The following SLC16A12 variants were observed in gnomAD, a reference collection of about 807,000 sequenced individuals.
SLC16A12 encodes the protein monocarboxylate transporter 12.
Under a neutral mutation model 42.4 loss-of-function variants are expected in SLC16A12, and 17 were observed. The ratio of observed to expected loss-of-function variants is 0.40; its 90% CI spans 0.27 to 0.60. The LOEUF (loss-of-function observed/expected upper bound fraction) is 0.60. Ranked by LOEUF, SLC16A12 falls within the 20% of genes least tolerant of loss-of-function variation. SLC16A12 has a pLI of 0.42. For missense variants in SLC16A12, 544 were observed against 623.0 expected (o/e 0.87, Z 1.35); for synonymous variants, 224 against 229.4 (o/e 0.98, Z 0.21).
intron 2 of SLC16A12, among the ~76,000 whole-genome samples, chr10:89,481,623 T>C (rs1409587483): frequency 6.6e-6 from 1 of 151,160 alleles, no homozygotes; most frequent in African/African-American, 2.4e-5. Flanking sequence ...TACTATCTAA[T>C]TGACACTGTT....
At position 89,432,662 on chromosome 10, in the gene SLC16A12, G is replaced by A. The variant is rs1276370395; in HGVS notation, c.*402C>T. 3.3e-5 allele frequency: 6 copies of A among 183,992 alleles called. No individual in the cohort carries two copies. In the South Asian group the frequency reaches 5.5e-4, roughly 17 times the overall value. 11.4% of individuals were successfully genotyped at this position (183,992 alleles called of 1,614,324 possible). A position where few individuals can be genotyped will look rare whatever the true frequency, so the allele number is the denominator to read the frequency against. ...CAGAACAAGGTAAGCAAAGCTACAC[G>A]TTAATGTTTCCATTTTCTTTCTGAG... On this transcript the variant is annotated 3_prime_UTR_variant, in exon 8 of 8. Transcript: ENST00000371790.
chr10:89,536,086 C>A (rs571271416), upstream of SLC16A12, among the ~76,000 whole-genome samples: 3 of 152,282 alleles, frequency 2.0e-5, no homozygotes, highest in African/African-American at 7.2e-5. Context: ...CTTTCTGTGT[C>A]CCCAGCCAAA....
At chr10:89,528,493 A>T (rs1843491070) in intron 2 of SLC16A12, among the ~76,000 whole-genome samples, 1 of 152,192 alleles carries the variant, frequency 6.6e-6, no homozygotes. Flanking sequence ...GGTTGTTTTG[A>T]CATCTTATAC....
At chr10:89,533,345 A>G (rs1249062681) in intron 2 of SLC16A12, among the ~76,000 whole-genome samples, 1 of 152,200 alleles carries the variant, frequency 6.6e-6, no homozygotes, top group Non-Finnish European at 1.5e-5. Flanking sequence ...ATAGGATCAA[A>G]GTTCTTTGTT....
chr10:89,522,590 C>T (rs886873042), intron 2 of SLC16A12, among the ~76,000 whole-genome samples: 9 of 152,164 alleles, frequency 5.9e-5, no homozygotes, highest in Non-Finnish European at 1.0e-4. Flanking sequence ...CTTGGTGTGA[C>T]TCAGCAAAAA....
chr10:89,515,610 T>A (rs1843238420), intron 2 of SLC16A12, among the ~76,000 whole-genome samples: 1 of 152,184 alleles, frequency 6.6e-6, no homozygotes, highest in South Asian at 2.1e-4. Context: ...AAAAGGCATA[T>A]GGTTTCCCAG....
intron 2 of SLC16A12, among the ~76,000 whole-genome samples, chr10:89,509,887 G>A (rs910384181): frequency 3.3e-5 from 5 of 152,186 alleles, no homozygotes; most frequent in African/African-American, 1.2e-4. Flanking sequence ...AGCAACTTCA[G>A]CAAAGTCTCA....
chr10:89,533,393 T>A (rs923169432), intron 2 of SLC16A12, among the ~76,000 whole-genome samples: 1 of 152,300 alleles, frequency 6.6e-6, no homozygotes, highest in East Asian at 1.9e-4. Context: ...AGAACAGCAC[T>A]AGGCATACAG....
chr10:89,534,700 G>T (rs1315769853), intron 1 of SLC16A12, 60 bp from the exon 2 acceptor site: 1 of 148,342 alleles, frequency 6.7e-6, no homozygotes, highest in Non-Finnish European at 1.5e-5. Flanking sequence ...GTGGTGGCGC[G>T]CACCTTTAGT....
rs199556905 is a variant in SLC16A12, at chr10:89,458,778, A to G, written c.200+3601T>C. Among the ~76,000 whole-genome samples, 10 of 152,362 alleles carry G rather than the reference A, an allele frequency of 6.6e-5. No individual in the cohort carries two copies. In the East Asian group the frequency reaches 1.5e-3, roughly 23 times the overall value. On this transcript the variant is annotated intron_variant, in intron 3 of 7. Coordinates refer to ENST00000371790, the MANE Select transcript of SLC16A12 (RefSeq NM_213606.4). ...AACAGTTTTTAAGTTCTTAAAATAC[A>G]TCCAATCATGAATTTCAAAGCATAG...
rs761769735 is a variant in SLC16A12 at position 89,443,799 on chromosome 10, C to T, written c.261G>A (p.Thr87=). The change falls in exon 4 of 8, where the codon ACG becomes ACA. Residue 87 remains threonine (T), a synonymous_variant. Transcript: ENST00000371790. ...AATCTACAATGGAATGGATCCATGC[C>T]GTTTGTGCGTAATCCTGAGTGAAGT... is the stretch of plus-strand genomic sequence containing the variant. The part of the protein sequence containing the change: ...QTYFTQDYAQ[T]AWIHSIVDCV... 34 of 1,613,720 alleles carry T rather than the reference C, an allele frequency of 2.1e-5. No individual in the cohort carries two copies. The East Asian group carries it at 2.9e-4, about 14-fold the overall frequency.
At chr10:89,436,650 C>T (rs1008013009) in intron 6 of SLC16A12, among the ~76,000 whole-genome samples, 1 of 151,780 alleles carries the variant, frequency 6.6e-6, no homozygotes, top group African/African-American at 2.4e-5. Context: ...TGAAATTAGT[C>T]GTGAAATAAA....
chr10:89,466,365 C>T (rs1842400256), intron 2 of SLC16A12, among the ~76,000 whole-genome samples: 2 of 152,170 alleles, frequency 1.3e-5, no homozygotes, highest in Non-Finnish European at 2.9e-5. Flanking sequence ...AATAGCCCTG[C>T]TTTCATGAGG....
At chr10:89,540,261 G>A (rs1278206527), upstream of SLC16A12, among the ~76,000 whole-genome samples, 2 of 151,932 alleles carry the variant, frequency 1.3e-5, no homozygotes, top group Non-Finnish European at 1.5e-5. Flanking sequence ...ACCATGCCTG[G>A]CTAGTTTTTG....
chr10:89,481,125 C>A (rs903012799), intron 2 of SLC16A12, among the ~76,000 whole-genome samples: 4 of 152,098 alleles, frequency 2.6e-5, no homozygotes, highest in African/African-American at 9.7e-5. Context: ...AACTCTAAAT[C>A]AGAACACAAA....
chr10:89,461,531 T>A (rs928353733), intron 3 of SLC16A12, among the ~76,000 whole-genome samples: 1 of 152,214 alleles, frequency 6.6e-6, no homozygotes, highest in Non-Finnish European at 1.5e-5. Flanking sequence ...AATCATACTC[T>A]TGTCACCTGG....
chr10:89,474,117 C>T (rs141500823), intron 2 of SLC16A12, among the ~76,000 whole-genome samples: 34 of 152,334 alleles, frequency 2.2e-4, no homozygotes, highest in African/African-American at 8.2e-4. Context: ...ACCTATCACT[C>T]CTGATTCCAC....
intron 2 of SLC16A12, among the ~76,000 whole-genome samples, chr10:89,495,413 C>G (rs182866019): frequency 2.6e-5 from 4 of 152,198 alleles, no homozygotes; most frequent in East Asian, 3.9e-4. Flanking sequence ...CTAGCTACCA[C>G]GCAAAACACT....
chr10:89,451,333 T>C (rs985161526), intron 3 of SLC16A12, among the ~76,000 whole-genome samples: 2 of 152,196 alleles, frequency 1.3e-5, no homozygotes, highest in African/African-American at 2.4e-5. Flanking sequence ...GCCGGCTTCA[T>C]GGGAGTGCAG....
Sources: gnomAD v4.1 joint callset for allele counts (sites outside exome capture counted in the v4.1 genomes callset) on GRCh38, gnomAD v4.1.1 for gene constraint, MANE v1.5 for transcripts, NCBI Gene and HGNC (gene_info 2026-07-23, HGNC 2026-07-21) for gene names.